The following ALOX5AP variants were observed in gnomAD, a reference collection of about 807,000 sequenced individuals.
ALOX5AP encodes arachidonate 5-lipoxygenase-activating protein.
In ALOX5AP, 9 loss-of-function variants were observed where a neutral mutation model predicts 18.5. The observed-to-expected ratio is 0.49, with a 90% confidence interval of 0.29 to 0.85. The LOEUF is 0.85. Ranked by LOEUF, ALOX5AP falls within the 40% of genes least tolerant of loss-of-function variation. ALOX5AP has a pLI of 0.08. For missense variants in ALOX5AP, 172 were observed against 202.5 expected, an observed-to-expected ratio of 0.85 and a Z score of 0.91; for synonymous variants, 81 against 78.6, an observed-to-expected ratio of 1.03 and a Z score of -0.16.
At chr13:30,731,888 G>T (rs1951684416), upstream of ALOX5AP, among the ~76,000 whole-genome samples, 1 of 152,246 alleles carries the variant, frequency 6.6e-6, no homozygotes, top group Non-Finnish European at 1.5e-5. Flanking sequence ...ATCCGGGCAG[G>T]CAGGGCGGGC....
chr13:30,737,559 A>G (rs1054171580), intron 1 of ALOX5AP, among the ~76,000 whole-genome samples: 1 of 152,240 alleles, frequency 6.6e-6, no homozygotes, highest in African/African-American at 2.4e-5. Flanking sequence ...CACAGGGCAC[A>G]GGGGCCTCAC....
intron 4 of ALOX5AP, among the ~76,000 whole-genome samples, chr13:30,757,351 T>C (rs539096592): frequency 2.0e-5 from 3 of 152,284 alleles, no homozygotes; most frequent in Non-Finnish European, 4.4e-5. Flanking sequence ...GGAAAAAGAA[T>C]GACTGTTCTT....
At chr13:30,715,242 G>A (rs188295408) in intron 1 of ALOX5AP, among the ~76,000 whole-genome samples, 1 of 152,286 alleles carries the variant, frequency 6.6e-6, no homozygotes, top group East Asian at 1.9e-4. Context: ...TGTAAAAAGG[G>A]CAATAATATA....
At chr13:30,721,225 C>A (rs2137787934) in intron 1 of ALOX5AP, among the ~76,000 whole-genome samples, 1 of 152,286 alleles carries the variant, frequency 6.6e-6, no homozygotes, top group Non-Finnish European at 1.5e-5. Flanking sequence ...TCTAATTTTG[C>A]CATGTCTCAA....
intron 2 of ALOX5AP, among the ~76,000 whole-genome samples, chr13:30,751,555 C>T (rs1951851759): frequency 6.6e-6 from 1 of 152,214 alleles, no homozygotes; most frequent in Non-Finnish European, 1.5e-5. Flanking sequence ...TGAGCACCAG[C>T]TTTTTTGAGT....
At chr13:30,737,516 G>A (rs779350907) in intron 1 of ALOX5AP, among the ~76,000 whole-genome samples, 3 of 152,208 alleles carry the variant, frequency 2.0e-5, no homozygotes, top group Non-Finnish European at 4.4e-5. Context: ...AGTCCTGACA[G>A]CCACAATATG....
chr13:30,732,040 G>A (rs1448278633), upstream of ALOX5AP, among the ~76,000 whole-genome samples: 3 of 152,210 alleles, frequency 2.0e-5, no homozygotes, highest in African/African-American at 7.2e-5. Flanking sequence ...CTTAATGTGC[G>A]CGCTGTAATT....
chr13:30,721,764 G>A (rs970389368), intron 1 of ALOX5AP, among the ~76,000 whole-genome samples: 1 of 151,900 alleles, frequency 6.6e-6, no homozygotes. Context: ...AAGAGGCATG[G>A]CCCTTTGGGA....
upstream of ALOX5AP, among the ~76,000 whole-genome samples, chr13:30,731,057 G>C (rs762670287): frequency 2.0e-5 from 3 of 152,112 alleles, no homozygotes; most frequent in South Asian, 4.1e-4. Flanking sequence ...CAGCCCTGTC[G>C]CTGTGGGATA....
At chr13:30,763,773 T>C (rs1434094556) in intron 4 of ALOX5AP, among the ~76,000 whole-genome samples, 171 bp from the exon 5 acceptor site, 2 of 152,166 alleles carry the variant, frequency 1.3e-5, no homozygotes, top group Admixed American at 6.5e-5. Context: ...TGACTAGTAA[T>C]AGCTGAGACA....
chr13:30,757,531 T>C (rs1004110602), intron 4 of ALOX5AP, among the ~76,000 whole-genome samples: 5 of 152,156 alleles, frequency 3.3e-5, no homozygotes, highest in African/African-American at 1.2e-4. Context: ...CCTTTTCCCA[T>C]GTGATTACCT....
chr13:30,716,631 T>C (rs1236776245), intron 1 of ALOX5AP, among the ~76,000 whole-genome samples: 1 of 152,192 alleles, frequency 6.6e-6, no homozygotes, highest in African/African-American at 2.4e-5. Context: ...CATCCTCCCT[T>C]GTATAGTCAG....
chr13:30,738,868 A>G (rs1164345453), intron 1 of ALOX5AP, among the ~76,000 whole-genome samples: 1 of 152,138 alleles, frequency 6.6e-6, no homozygotes, highest in African/African-American at 2.4e-5. Context: ...TGGCCCTGCA[A>G]TCATAAGGGT....
rs1256555899 is a variant in ALOX5AP, at chr13:30,721,425, G to GT, written c.116+7591dup. 4.6e-5 allele frequency among the ~76,000 whole-genome samples: 7 copies of GT among 152,234 alleles called. No homozygotes were observed. The East Asian group carries it at 9.6e-4, about 21-fold the overall frequency. ...CAGGCAGTGGCCCCGACATTTATCT[G>GT]TTTTTTTAAGTGAGAAATCTGAGTA... On this transcript the variant is annotated intron_variant, in intron 1 of 5. Transcript: ENST00000617770.
chr13:30,734,949 T>C (rs1452284276), upstream of ALOX5AP, among the ~76,000 whole-genome samples: 1 of 152,172 alleles, frequency 6.6e-6, no homozygotes, highest in Admixed American at 6.5e-5. Context: ...AGGACAGTAT[T>C]TGGGGCACAG....
chr13:30,748,621 T>A (rs1044425034), intron 2 of ALOX5AP, among the ~76,000 whole-genome samples: 1 of 152,160 alleles, frequency 6.6e-6, no homozygotes, highest in African/African-American at 2.4e-5. Flanking sequence ...AGAATAATAA[T>A]AATTTGTCAA....
At chr13:30,749,027 C>T (rs544112780) in intron 2 of ALOX5AP, among the ~76,000 whole-genome samples, 5 of 152,270 alleles carry the variant, frequency 3.3e-5, no homozygotes, top group South Asian at 2.1e-4. Flanking sequence ...TCCTGGATGG[C>T]GAGAGGGACT....
At chr13:30,736,181 C>CT (rs17245421) in intron 1 of ALOX5AP, among the ~76,000 whole-genome samples, 3,771 of 151,656 alleles carry the variant, frequency 0.025, 58 homozygotes, top group South Asian at 0.042. Context: ...TTACTTTTTT[C>CT]TTTTTTTCTC....
chr13:30,738,287 A>ACCC (rs1951736380), intron 1 of ALOX5AP, among the ~76,000 whole-genome samples: 1 of 152,208 alleles, frequency 6.6e-6, no homozygotes, highest in African/African-American at 2.4e-5. Context: ...CAAGATCTTC[A>ACCC]AATTTGTAAC....
Sources: gnomAD v4.1 joint callset for allele counts (sites outside exome capture counted in the v4.1 genomes callset) on GRCh38, gnomAD v4.1.1 for gene constraint, MANE v1.5 for transcripts, NCBI Gene and HGNC (gene_info 2026-07-23, HGNC 2026-07-21) for gene names.